The following ZNF334 variants were observed in gnomAD, a reference collection of about 807,000 sequenced individuals.
ZNF334 encodes the protein zinc finger protein 334.
ZNF334 carries 14 observed loss-of-function variants against 12.4 expected under a neutral mutation model. That is an observed-to-expected ratio of 1.13 (90% confidence interval 0.74 to 1.76). ZNF334 has a LOEUF of 1.76. ZNF334 is among the 40% of genes most tolerant of loss of function. ZNF334 has a pLI of 0.00. For synonymous variants in ZNF334, 273 were observed against 269.6 expected (o/e 1.01, Z -0.12); for missense variants, 797 against 804.5 (o/e 0.99, Z 0.11).
chr20:46,506,526 G>A (rs2145977336), intron 2 of ZNF334: 1 of 391,304 alleles, frequency 2.6e-6, no homozygotes, highest in Non-Finnish European at 4.5e-6. Context: ...TGAGGCAAGA[G>A]GATCACTTGA....
intron 2 of ZNF334, chr20:46,506,335 A>C: frequency 1.5e-6 from 1 of 648,292 alleles, no homozygotes; most frequent in East Asian, 2.9e-5. Context: ...GATGTAAGAA[A>C]ACACACATGG....
chr20:46,502,260 T>C lies in ZNF334; in HGVS notation c.1079A>G (p.Lys360Arg), dbSNP rs2061221024. 4 of 1,614,138 alleles carry C rather than the reference T, an allele frequency of 2.5e-6. No individual in the cohort carries two copies. In the Admixed American group the frequency reaches 5.0e-5, roughly 20 times the overall value. Residue 360 changes from lysine to arginine, a missense_variant, in exon 5 of 5, where the codon AAG becomes AGG. Transcript: ENST00000692313. ...TTGATGTACAACAAGATACGATTTC[T>C]TGCTGAAGGCATTTCCACATTCCTT... Reference protein sequence around the residue: ...ECKECGNAFSKKSYLVVHQRT... With the variant: ...ECKECGNAFSRKSYLVVHQRT...
At chr20:46,464,673 A>G in the ZNF334 span, 1 of 437,422 alleles carries the variant, frequency 2.3e-6, no homozygotes, top group Non-Finnish European at 4.5e-6. Flanking sequence ...CTCCCACTGC[A>G]GCCTAGGGGC....
the ZNF334 span, among the ~76,000 whole-genome samples, chr20:46,465,495 T>C: frequency 6.6e-6 from 1 of 152,120 alleles, no homozygotes; most frequent in Non-Finnish European, 1.5e-5. Flanking sequence ...ACCAGGAGTT[T>C]GAGACCATCC....
At chr20:46,509,230 CAAGT>C (rs1288892032) in intron 2 of ZNF334, among the ~76,000 whole-genome samples, 1 of 151,962 alleles carries the variant, frequency 6.6e-6, no homozygotes, top group African/African-American at 2.4e-5. Context: ...AAAAATTACA[CAAGT>C]AAGTTGTATT....
chr20:46,504,857 T>C (rs1016733011), intron 2 of ZNF334, 117 bp from the exon 3 acceptor site: 80 of 858,544 alleles, frequency 9.3e-5, no homozygotes, highest in Admixed American at 2.3e-4. Context: ...GAGATGTAAT[T>C]GTGGGAGGGC....
intron 2 of ZNF334, 118 bp from the exon 3 acceptor site, chr20:46,504,858 G>A: frequency 1.2e-6 from 1 of 849,842 alleles, no homozygotes; most frequent in Non-Finnish European, 1.7e-6. Flanking sequence ...AGATGTAATT[G>A]TGGGAGGGCA....
intron 1 of ZNF334, 115 bp downstream of exon 1, chr20:46,512,425 A>C (rs931381325): frequency 4.3e-6 from 1 of 232,776 alleles, no homozygotes; most frequent in Non-Finnish European, 8.4e-6. Context: ...AATTAATAGG[A>C]GACTAGGTCA....
the ZNF334 span, chr20:46,491,573 T>C: frequency 0.019 from 2,854 of 152,484 alleles, 94 homozygotes; most frequent in Admixed American, 0.089. Flanking sequence ...GAAGCCCTTT[T>C]CATGTAATGA....
Position 46,501,391 on chromosome 20 carries a change from G to C in ZNF334, c.1948C>G (p.His650Asp). The C allele has an allele frequency of 6.2e-7, 1 of 1,614,134 alleles. No homozygotes were observed. The highest frequency in any genetic ancestry group is 8.5e-7 in the Non-Finnish European group (1 of 1,180,008). The change falls in exon 5 of 5, where the codon CAC becomes GAC. Residue 650 changes from histidine to aspartate, a missense_variant. Physicochemically the swap from His to Asp is moderately conservative, Grantham distance 81. Transcript: ENST00000692313. Reference protein sequence around the residue: ...LWTLTEHQKIHTGEKPYECNK... With the variant: ...LWTLTEHQKIDTGEKPYECNK... ...CATTCATAAGGTTTCTCTCCTGTGT[G>C]TATTTTCTGATGTTCAGTGAGAGTC...
chr20:46,503,089 C>T lies in ZNF334; in HGVS notation c.250G>A (p.Asp84Asn), dbSNP rs2145953282. 1 of 1,592,472 alleles carries T rather than the reference C, an allele frequency of 6.3e-7. No individual in the cohort carries two copies. Among genetic ancestry groups the T allele is most frequent in the Non-Finnish European group, 8.5e-7 (1 of 1,170,310 alleles). Residue 84 changes from aspartate to asparagine, a missense_variant, in exon 5 of 5, where the codon GAT (aspartate) becomes AAT (asparagine). Coordinates refer to ENST00000692313, the MANE Select transcript of ZNF334 (RefSeq NM_001353824.2). ...FSNQNYPDID[D>N]ALEKNKEIQD... ...ATTTCCTTGTTCTTCTCTAAGGCAT[C>T]ATCAATGTCTAGAAAAAGGAACACA...
the ZNF334 span, among the ~76,000 whole-genome samples, chr20:46,493,433 A>C: frequency 1.1e-4 from 17 of 152,296 alleles, no homozygotes; most frequent in African/African-American, 4.1e-4. Flanking sequence ...AAGAGTTAGG[A>C]GGGGTAACAT....
At chr20:46,505,133 G>A (rs1478684816) in intron 2 of ZNF334, 1 of 156,986 alleles carries the variant, frequency 6.4e-6, no homozygotes, top group Non-Finnish European at 1.4e-5. Flanking sequence ...CCTTCCTTGA[G>A]AGCATAATAA....
chr20:46,508,493 G>A (rs1308447890), intron 2 of ZNF334, among the ~76,000 whole-genome samples: 1 of 152,236 alleles, frequency 6.6e-6, no homozygotes, highest in Non-Finnish European at 1.5e-5. Flanking sequence ...AAAAGGGGTA[G>A]AAAGTCAAGG....
At chr20:46,509,853 A>C in intron 2 of ZNF334, 1 of 596,450 alleles carries the variant, frequency 1.7e-6, no homozygotes, top group Non-Finnish European at 3.0e-6. Flanking sequence ...AGCTCCTAAG[A>C]AAGTATGTTC....
chr20:46,472,475 G>A, the ZNF334 span, among the ~76,000 whole-genome samples: 1 of 152,210 alleles, frequency 6.6e-6, no homozygotes, highest in Non-Finnish European at 1.5e-5. Context: ...AGGAAGGCCT[G>A]AGAAGATAGC....
At chr20:46,499,383 G>A (rs1055931016), downstream of ZNF334, among the ~76,000 whole-genome samples, 2 of 151,840 alleles carry the variant, frequency 1.3e-5, no homozygotes, top group Non-Finnish European at 2.9e-5. Context: ...ACTGTGTTAC[G>A]GCAGCCCTAG....
chr20:46,474,943 G>A, the ZNF334 span, among the ~76,000 whole-genome samples: 1 of 152,148 alleles, frequency 6.6e-6, no homozygotes, highest in Non-Finnish European at 1.5e-5. Flanking sequence ...AGGGGGTGAA[G>A]GGACAGAAAG....
At chr20:46,510,604 T>C (rs1263977301) in intron 2 of ZNF334, among the ~76,000 whole-genome samples, 1 of 151,742 alleles carries the variant, frequency 6.6e-6, no homozygotes, top group Non-Finnish European at 1.5e-5. Context: ...CGGGTGCCTG[T>C]AGTCCCAGCT....
Sources: gnomAD v4.1 joint callset for allele counts (sites outside exome capture counted in the v4.1 genomes callset) on GRCh38, gnomAD v4.1.1 for gene constraint, MANE v1.5 for transcripts, NCBI Gene and HGNC (gene_info 2026-07-23, HGNC 2026-07-21) for gene names.